The following XRCC4 variants were observed in gnomAD, a reference collection of about 807,000 sequenced individuals.
The protein encoded by XRCC4 is DNA repair protein XRCC4.
In XRCC4, 28 loss-of-function variants were observed where a neutral mutation model predicts 39.1. The observed-to-expected ratio is 0.72, with a 90% CI of 0.53 to 0.98. XRCC4 has a LOEUF of 0.98. Among genes scored for constraint, XRCC4 ranks in the 50% least tolerant of loss-of-function variants. The pLI is 0.00. For synonymous variants in XRCC4, 123 were observed against 126.4 expected, an observed-to-expected ratio of 0.97 and a Z score of 0.18; for missense variants, 350 against 376.4, an observed-to-expected ratio of 0.93 and a Z score of 0.58.
chr5:83,117,492 A>T (rs1429909270), intron 3 of XRCC4, among the ~76,000 whole-genome samples: 1 of 152,168 alleles, frequency 6.6e-6, no homozygotes, highest in Admixed American at 6.5e-5. Flanking sequence ...AAGAAAAACA[A>T]TTATTTTTGA....
intron 7 of XRCC4, among the ~76,000 whole-genome samples, chr5:83,338,856 T>C (rs1233880768): frequency 1.3e-5 from 2 of 152,246 alleles, no homozygotes; most frequent in East Asian, 1.9e-4. Context: ...ATGGATTTGA[T>C]TGACTTTTAA....
At chr5:83,236,192 T>C (rs1393010506) in intron 6 of XRCC4, among the ~76,000 whole-genome samples, 2 of 152,048 alleles carry the variant, frequency 1.3e-5, no homozygotes, top group Admixed American at 1.3e-4. Flanking sequence ...ACCAATGACA[T>C]ATTCACAGAA....
chr5:83,232,137 TTG>T (rs1369609192), intron 6 of XRCC4, among the ~76,000 whole-genome samples: 2 of 152,078 alleles, frequency 1.3e-5, no homozygotes, highest in East Asian at 1.9e-4. Flanking sequence ...TGCAAAATAA[TTG>T]TGTCTCTATA....
intron 1 of XRCC4, among the ~76,000 whole-genome samples, chr5:83,092,465 G>A (rs886468221): frequency 6.7e-5 from 10 of 150,008 alleles, no homozygotes; most frequent in Non-Finnish European, 1.2e-4. Flanking sequence ...AGAACCTAGT[G>A]GTATAAGTAA....
chr5:83,104,497 T>A (rs753892003), intron 1 of XRCC4, among the ~76,000 whole-genome samples: 1 of 152,172 alleles, frequency 6.6e-6, no homozygotes, highest in Non-Finnish European at 1.5e-5. Flanking sequence ...TGTTTTTTTT[T>A]AGTAGAGACG....
chr5:83,287,953 T>C (rs1002269701), intron 7 of XRCC4, among the ~76,000 whole-genome samples: 6 of 151,808 alleles, frequency 4.0e-5, no homozygotes, highest in African/African-American at 1.4e-4. Context: ...AGCACTGCTT[T>C]CGTTGCATCC....
chr5:83,091,890 G>T lies in XRCC4; in HGVS notation c.-10-13020G>T, dbSNP rs147411003. ...CAGGTAAATACTCAGAAGTGGGATT[G>T]CTGGATCATATAGTAATTCTATTTT... On this transcript the variant is annotated intron_variant, in intron 1 of 7. Transcript: ENST00000396027. Among the ~76,000 whole-genome samples the T allele has an allele frequency of 2.1e-3, 315 of 152,282 alleles. 1 individual carries two copies. Among genetic ancestry groups the T allele is most frequent in the Middle Eastern group, 6.8e-3 (2 of 294 alleles).
intron 3 of XRCC4, among the ~76,000 whole-genome samples, chr5:83,145,169 A>T (rs914491623): frequency 4.6e-5 from 7 of 152,344 alleles, no homozygotes; most frequent in South Asian, 4.1e-4. Flanking sequence ...TGCTGGGCTT[A>T]CAGGCATGAA....
intron 3 of XRCC4, among the ~76,000 whole-genome samples, chr5:83,127,404 G>A (rs1338179768): frequency 6.6e-6 from 1 of 152,016 alleles, no homozygotes; most frequent in Non-Finnish European, 1.5e-5. Context: ...TAAGTCTCAC[G>A]AGATCTGATG....
intron 6 of XRCC4, among the ~76,000 whole-genome samples, chr5:83,213,032 C>T (rs888390286): frequency 1.5e-4 from 22 of 149,112 alleles, no homozygotes; most frequent in African/African-American, 5.2e-4. Context: ...ACTTATAGGA[C>T]AGCATCAATA....
chr5:83,360,768 C>A, the XRCC4 span, among the ~76,000 whole-genome samples: 1 of 151,586 alleles, frequency 6.6e-6, no homozygotes. Flanking sequence ...GAAGAGCCGT[C>A]CAGCTGAGCC....
chr5:83,193,952 G>A (rs922377160), intron 3 of XRCC4, among the ~76,000 whole-genome samples: 10 of 151,010 alleles, frequency 6.6e-5, no homozygotes, highest in African/African-American at 2.2e-4. Context: ...TGTTGTTTTC[G>A]AGACTGAGTC....
chr5:83,212,968 A>G (rs1378879030), intron 6 of XRCC4, among the ~76,000 whole-genome samples: 1 of 151,632 alleles, frequency 6.6e-6, no homozygotes, highest in African/African-American at 2.4e-5. Flanking sequence ...AAAAACAAAA[A>G]GATACATTGA....
chr5:83,165,526 A>G (rs1561375210), intron 3 of XRCC4, among the ~76,000 whole-genome samples: 2 of 152,174 alleles, frequency 1.3e-5, no homozygotes, highest in African/African-American at 4.8e-5. Flanking sequence ...GCTTTGTTAC[A>G]TAGGTAAACT....
chr5:83,080,507 C>G (rs964115593), intron 1 of XRCC4, among the ~76,000 whole-genome samples: 1 of 141,994 alleles, frequency 7.0e-6, no homozygotes, highest in Admixed American at 7.2e-5. Flanking sequence ...GCGTGGGCAA[C>G]AGAGCGAGAC....
intron 7 of XRCC4, among the ~76,000 whole-genome samples, chr5:83,289,617 GA>G (rs1754848385): frequency 6.6e-6 from 1 of 151,872 alleles, no homozygotes; most frequent in South Asian, 2.1e-4. Context: ...TGATGTGGGA[GA>G]AAAGCATTCT....
At chr5:83,329,562 A>C (rs1249161942) in intron 7 of XRCC4, among the ~76,000 whole-genome samples, 1 of 152,168 alleles carries the variant, frequency 6.6e-6, no homozygotes, top group Non-Finnish European at 1.5e-5. Context: ...TTTAAAGGGT[A>C]CAAGAGAAAC....
the XRCC4 span, among the ~76,000 whole-genome samples, chr5:83,373,729 A>G: frequency 2.0e-5 from 3 of 152,090 alleles, no homozygotes; most frequent in Non-Finnish European, 4.4e-5. Flanking sequence ...TTTAACAGAG[A>G]GAATGTCTAC....
At chr5:83,180,351 G>A (rs766029698) in intron 3 of XRCC4, among the ~76,000 whole-genome samples, 3 of 152,134 alleles carry the variant, frequency 2.0e-5, no homozygotes, top group Non-Finnish European at 4.4e-5. Context: ...TATAGTCAGA[G>A]TGGGGAACAC....
Sources: gnomAD v4.1 joint callset for allele counts (sites outside exome capture counted in the v4.1 genomes callset) on GRCh38, gnomAD v4.1.1 for gene constraint, MANE v1.5 for transcripts, NCBI Gene and HGNC (gene_info 2026-07-23, HGNC 2026-07-21) for gene names.